The following C1QTNF7 variants were observed in gnomAD, a reference collection of about 807,000 sequenced individuals.
The protein encoded by C1QTNF7 is complement C1q tumor necrosis factor-related protein 7.
A neutral mutation model predicts 19.6 loss-of-function variants in C1QTNF7; 15 were observed. The observed-to-expected ratio is 0.76, with a 90% CI of 0.51 to 1.18. The LOEUF is 1.18. C1QTNF7 is among the 50% of genes most tolerant of loss of function. The pLI is 0.00. For synonymous variants in C1QTNF7, 142 were observed against 137.5 expected, an observed-to-expected ratio of 1.03 and a Z score of -0.23; for missense variants, 324 against 359.7, an observed-to-expected ratio of 0.90 and a Z score of 0.80.
chr4:15,410,880 AG>A (rs1437625015), intron 1 of C1QTNF7, among the ~76,000 whole-genome samples: 1 of 152,212 alleles, frequency 6.6e-6, no homozygotes, highest in African/African-American at 2.4e-5. Context: ...ACAAGGTCAA[AG>A]GGCACCACTT....
At chr4:15,370,832 C>T (rs1717694600) in intron 1 of C1QTNF7, among the ~76,000 whole-genome samples, 1 of 152,126 alleles carries the variant, frequency 6.6e-6, no homozygotes, top group Admixed American at 6.5e-5. Flanking sequence ...CTCTCATTGG[C>T]CCTCCAAACA....
At chr4:15,389,814 TGCA>T (rs1718487598) in intron 1 of C1QTNF7, among the ~76,000 whole-genome samples, 1 of 152,110 alleles carries the variant, frequency 6.6e-6, no homozygotes, top group Non-Finnish European at 1.5e-5. Flanking sequence ...GAGGCACAGG[TGCA>T]TTGGTAACAC....
chr4:15,380,631 T>C (rs965855096), intron 1 of C1QTNF7, among the ~76,000 whole-genome samples: 56 of 152,290 alleles, frequency 3.7e-4, no homozygotes, highest in African/African-American at 1.3e-3. Context: ...TTCCAGTCTT[T>C]CATTTAAAAA....
At chr4:15,367,132 GA>G (rs1717555236) in intron 1 of C1QTNF7, among the ~76,000 whole-genome samples, 1 of 152,140 alleles carries the variant, frequency 6.6e-6, no homozygotes, top group Non-Finnish European at 1.5e-5. Flanking sequence ...ACTATGCTTT[GA>G]AGCTAGGCCT....
intron 1 of C1QTNF7, chr4:15,374,696 T>C (rs1441930510): frequency 2.0e-6 from 2 of 985,236 alleles, no homozygotes; most frequent in East Asian, 2.3e-4. Flanking sequence ...GGGAAGGGGA[T>C]TTTGAGCAAA....
At chr4:15,344,234 C>A (rs1716640227) in intron 1 of C1QTNF7, among the ~76,000 whole-genome samples, 3 of 152,190 alleles carry the variant, frequency 2.0e-5, no homozygotes, top group African/African-American at 7.2e-5. Context: ...TGCCAAACCA[C>A]AAAGTTTAGA....
At chr4:15,425,787 T>TTTA (rs1244989205), upstream of C1QTNF7, among the ~76,000 whole-genome samples, 7 of 152,180 alleles carry the variant, frequency 4.6e-5, no homozygotes, top group East Asian at 3.9e-4. Context: ...ACATGCTCAT[T>TTTA]ACATATCAGC....
chr4:15,439,851 T>C (rs1712679189), intron 2 of C1QTNF7, among the ~76,000 whole-genome samples: 2 of 152,166 alleles, frequency 1.3e-5, no homozygotes, highest in South Asian at 4.1e-4. Flanking sequence ...CTGTTATATA[T>C]ATAAAATCAT....
intron 1 of C1QTNF7, among the ~76,000 whole-genome samples, chr4:15,434,933 C>G (rs1712467212): frequency 6.6e-6 from 1 of 152,178 alleles, no homozygotes; most frequent in Admixed American, 6.5e-5. Context: ...AGGACATGCA[C>G]AGTACCCCAA....
At chr4:15,408,698 T>C (rs995872252) in intron 1 of C1QTNF7, among the ~76,000 whole-genome samples, 1 of 152,150 alleles carries the variant, frequency 6.6e-6, no homozygotes, top group Non-Finnish European at 1.5e-5. Context: ...GAGAGCACTT[T>C]GGATATACCT....
chr4:15,394,185 A>G (rs1718691896), intron 1 of C1QTNF7, among the ~76,000 whole-genome samples: 1 of 152,252 alleles, frequency 6.6e-6, no homozygotes, highest in Non-Finnish European at 1.5e-5. Context: ...ACACTTGAGG[A>G]AAGTACGTAA....
At chr4:15,357,638 G>A (rs149837533) in intron 1 of C1QTNF7, among the ~76,000 whole-genome samples, 1 of 152,168 alleles carries the variant, frequency 6.6e-6, no homozygotes, top group Non-Finnish European at 1.5e-5. Context: ...GTGGTAGCTT[G>A]ATGGGAATAT....
chr4:15,411,615 A>G (rs1719405445), intron 1 of C1QTNF7, among the ~76,000 whole-genome samples: 1 of 152,234 alleles, frequency 6.6e-6, no homozygotes, highest in African/African-American at 2.4e-5. Flanking sequence ...TGCTGGCTTC[A>G]GAAATCACTG....
intron 1 of C1QTNF7, among the ~76,000 whole-genome samples, chr4:15,391,852 C>G (rs556425135): frequency 2.0e-5 from 3 of 152,068 alleles, no homozygotes; most frequent in Non-Finnish European, 4.4e-5. Context: ...GAAGAAGCAC[C>G]ACTATTTGGG....
At chr4:15,442,103 A>T in intron 2 of C1QTNF7, 65 bp from the exon 3 acceptor site, 1 of 1,499,074 alleles carries the variant, frequency 6.7e-7, no homozygotes, top group Non-Finnish European at 9.0e-7. Context: ...GGGACCATGT[A>T]GGTATATTGT....
intron 1 of C1QTNF7, among the ~76,000 whole-genome samples, chr4:15,350,444 C>T (rs1202598245): frequency 6.6e-6 from 1 of 151,396 alleles, no homozygotes; most frequent in Non-Finnish European, 1.5e-5. Flanking sequence ...ATTTTCTTTC[C>T]CTGTAAAGTT....
At chr4:15,414,053 G>A (rs770928149) in intron 1 of C1QTNF7, among the ~76,000 whole-genome samples, 2 of 152,298 alleles carry the variant, frequency 1.3e-5, no homozygotes, top group Admixed American at 6.5e-5. Context: ...GACCTCAAGC[G>A]TTCCTCACTC....
At chr4:15,341,778 C>T (rs1716547985) in intron 1 of C1QTNF7, among the ~76,000 whole-genome samples, 1 of 152,220 alleles carries the variant, frequency 6.6e-6, no homozygotes, top group Admixed American at 6.5e-5. Context: ...TCCGGGGCCC[C>T]ACCCATGACC....
intron 1 of C1QTNF7, among the ~76,000 whole-genome samples, chr4:15,374,370 G>A (rs546904076): frequency 2.0e-5 from 3 of 152,322 alleles, no homozygotes; most frequent in Admixed American, 6.5e-5. Flanking sequence ...CAATGAGAAG[G>A]TGTTCAGCTA....
Sources: gnomAD v4.1 joint callset for allele counts (sites outside exome capture counted in the v4.1 genomes callset) on GRCh38, gnomAD v4.1.1 for gene constraint, MANE v1.5 for transcripts, NCBI Gene and HGNC (gene_info 2026-07-23, HGNC 2026-07-21) for gene names.